CORO2A: variants seen among roughly 807,000 people sequenced by gnomAD.
The protein encoded by CORO2A is coronin-2A.
In CORO2A, 47 loss-of-function variants were observed where a neutral mutation model predicts 62.4. The ratio of observed to expected loss-of-function variants is 0.75; its 90% CI spans 0.60 to 0.96. The LOEUF (loss-of-function observed/expected upper bound fraction) is 0.96, where lower values mean the gene tolerates loss of function less well. CORO2A is among the 40% of genes least tolerant of loss of function. The pLI, the probability that CORO2A is intolerant of heterozygous loss-of-function variation, is 0.00. For synonymous variants in CORO2A, 273 were observed against 268.9 expected (o/e 1.02, Z -0.15); for missense variants, 610 against 684.1 (o/e 0.89, Z 1.21).
At chr9:98,181,690 T>C (rs543711337) in intron 1 of CORO2A, among the ~76,000 whole-genome samples, 4 of 152,210 alleles carry the variant, frequency 2.6e-5, no homozygotes, top group East Asian at 3.9e-4. Context: ...CAAGGCTGTT[T>C]CTCCTATGCA....
chr9:98,127,014 G>A (rs1420193730), intron 10 of CORO2A, 191 bp from the exon 11 acceptor site: 3 of 632,068 alleles, frequency 4.7e-6, no homozygotes, highest in African/African-American at 1.8e-5. Flanking sequence ...AAATACCCAC[G>A]TGTGCCACCC....
intron 2 of CORO2A, among the ~76,000 whole-genome samples, chr9:98,138,411 C>CAA (rs35123837): frequency 2.8e-4 from 28 of 99,262 alleles, no homozygotes; most frequent in Admixed American, 8.9e-4. Flanking sequence ...AACTATGTCT[C>CAA]AAAAAAAAAA....
At position 98,126,566 on chromosome 9, in the gene CORO2A, G is replaced by C. The variant is rs1827321685; in HGVS notation, c.1429C>G (p.Pro477Ala). 6.2e-7 allele frequency: 1 copy of C among 1,613,700 alleles called. No homozygotes were observed. The highest frequency in any genetic ancestry group is 1.3e-5 in the African/African-American group (1 of 74,856). ...CTTCACACCTCATTCTCTGTCTTTG[G>C]TGGGGGGCATTCGAAAACGTCAAAG... is the stretch of plus-strand genomic sequence containing the variant. ...NGFDVFECPP[P>A]KTENELLQMF... Residue 477 changes from proline to alanine, a missense_variant, in exon 11 of 12, where the codon CCA (proline) becomes GCA (alanine). Pro to Ala is a conservative substitution (Grantham distance 27, BLOSUM62 -1). Coordinates refer to ENST00000375077, the MANE Select transcript of CORO2A (RefSeq NM_052820.4).
At chr9:98,143,027 A>G (rs1048796651) in intron 2 of CORO2A, among the ~76,000 whole-genome samples, 1 of 152,112 alleles carries the variant, frequency 6.6e-6, no homozygotes, top group African/African-American at 2.4e-5. Flanking sequence ...GGCCATTTCC[A>G]CCTTCTGCCC....
chr9:98,142,274 G>C (rs568885754), intron 2 of CORO2A, among the ~76,000 whole-genome samples: 17 of 152,236 alleles, frequency 1.1e-4, no homozygotes, highest in Non-Finnish European at 2.4e-4. Context: ...ATCCAGCATG[G>C]AGTAGGGACT....
chr9:98,178,732 T>C (rs1343284639), intron 1 of CORO2A, among the ~76,000 whole-genome samples: 2 of 152,234 alleles, frequency 1.3e-5, no homozygotes, highest in African/African-American at 4.8e-5. Flanking sequence ...TAAAGCTGAA[T>C]TCTTTGTTCT....
At chr9:98,174,264 C>A (rs115154865) in intron 1 of CORO2A, among the ~76,000 whole-genome samples, 19 of 152,300 alleles carry the variant, frequency 1.2e-4, no homozygotes, top group African/African-American at 3.9e-4. Context: ...CCTCAGTTTC[C>A]TAAGCTGTAA....
chr9:98,131,330 CTT>C (rs60302015), intron 6 of CORO2A, among the ~76,000 whole-genome samples: 12,528 of 145,356 alleles, frequency 0.086, 653 homozygotes, highest in Non-Finnish European at 0.12. Context: ...TAACAAATCA[CTT>C]TTTTTTTTTT....
rs189754440 is a variant in CORO2A, at chr9:98,185,265, C to T, written c.-1+7294G>A. Among the ~76,000 whole-genome samples the T allele has an allele frequency of 2.0e-3, 308 of 152,334 alleles. 2 individuals are homozygous for T. Among genetic ancestry groups the T allele is most frequent in the African/African-American group, 7.1e-3 (297 of 41,576 alleles). ...TAGTGCCCCTGCCAGGCCATGGGCC[C>T]TCACGGCTGTGATGGGTCTAGCTTG... On this transcript the variant is annotated intron_variant, in intron 1 of 11. Coordinates refer to ENST00000375077, the MANE Select transcript of CORO2A (RefSeq NM_052820.4).
chr9:98,167,634 C>T (rs1827979893), intron 1 of CORO2A, among the ~76,000 whole-genome samples: 1 of 151,930 alleles, frequency 6.6e-6, no homozygotes, highest in South Asian at 2.1e-4. Flanking sequence ...TCCGGATTCA[C>T]ACAAACCAAT....
intron 1 of CORO2A, among the ~76,000 whole-genome samples, chr9:98,183,723 G>A (rs1169106262): frequency 6.6e-6 from 1 of 152,212 alleles, no homozygotes; most frequent in African/African-American, 2.4e-5. Context: ...ATTTTGGGAG[G>A]CTGAGGCGGG....
intron 1 of CORO2A, among the ~76,000 whole-genome samples, chr9:98,183,716 T>C (rs993285232): frequency 6.6e-6 from 1 of 152,190 alleles, no homozygotes; most frequent in Non-Finnish European, 1.5e-5. Context: ...TCCCAGTATT[T>C]TGGGAGGCTG....
intron 1 of CORO2A, among the ~76,000 whole-genome samples, chr9:98,166,132 A>G (rs1431270496): frequency 6.6e-6 from 1 of 152,260 alleles, no homozygotes; most frequent in Non-Finnish European, 1.5e-5. Context: ...ATGGAGAAAC[A>G]TGTTAACAGC....
Position 98,134,862 on chromosome 9 carries a change from C to T in CORO2A, c.412G>A (p.Val138Met), listed in dbSNP as rs772826891. ...LVGHARRVGL[V>M]EWHPTAANIL... ...TTGGCGGCCGTGGGGTGCCACTCCA[C>T]CAGGCCTACTCTGCGCGCGTGGCCC... is the stretch of plus-strand genomic sequence containing the variant. Residue 138 changes from valine to methionine, a missense_variant, in exon 4 of 12, where the codon GTG becomes ATG. By Grantham distance (21) the Val-to-Met change is conservative. Coordinates refer to ENST00000375077, the MANE Select transcript of CORO2A (RefSeq NM_052820.4). The T allele has an allele frequency of 3.2e-5, 51 of 1,614,038 alleles. No individual in the cohort carries two copies. The highest frequency in any genetic ancestry group is 3.3e-5 in the Non-Finnish European group (39 of 1,180,028).
At chr9:98,184,231 TA>T (rs764581272) in intron 1 of CORO2A, among the ~76,000 whole-genome samples, 6 of 132,590 alleles carry the variant, frequency 4.5e-5, no homozygotes, top group South Asian at 4.7e-4. Context: ...TATTTTATTT[TA>T]TTTTTTTTTT....
intron 4 of CORO2A, 93 bp from the exon 5 acceptor site, chr9:98,133,310 T>C: frequency 7.7e-7 from 1 of 1,293,002 alleles, no homozygotes; most frequent in Non-Finnish European, 1.1e-6. Flanking sequence ...AAACACAGTA[T>C]CCCTGGGAGG....
At chr9:98,160,343 G>A (rs571083661) in intron 1 of CORO2A, among the ~76,000 whole-genome samples, 1 of 152,318 alleles carries the variant, frequency 6.6e-6, no homozygotes, top group South Asian at 2.1e-4. Context: ...TGAAACGCAG[G>A]AGGAGTTAAG....
chr9:98,164,940 C>T (rs1339354141), intron 1 of CORO2A, among the ~76,000 whole-genome samples: 2 of 151,650 alleles, frequency 1.3e-5, no homozygotes, highest in East Asian at 1.9e-4. Flanking sequence ...ACTCTCCCAC[C>T]ACTACCACCA....
At chr9:98,175,564 T>C (rs1828096703) in intron 1 of CORO2A, among the ~76,000 whole-genome samples, 1 of 152,120 alleles carries the variant, frequency 6.6e-6, no homozygotes, top group Non-Finnish European at 1.5e-5. Flanking sequence ...TCTCAACCCA[T>C]TAAATGGGCA....
Sources: gnomAD v4.1 joint callset for allele counts (sites outside exome capture counted in the v4.1 genomes callset) on GRCh38, gnomAD v4.1.1 for gene constraint, MANE v1.5 for transcripts, NCBI Gene and HGNC (gene_info 2026-07-23, HGNC 2026-07-21) for gene names.